BICD2: variants seen among roughly 807,000 people sequenced by gnomAD.
BICD2 encodes BICD cargo adaptor 2.
BICD2 carries 25 observed loss-of-function variants against 72.9 expected under a neutral mutation model. The observed-to-expected ratio is 0.34, with a 90% CI of 0.25 to 0.48. The LOEUF (loss-of-function observed/expected upper bound fraction) is 0.48, where lower values mean the gene tolerates loss of function less well. Among genes scored for constraint, BICD2 ranks in the 20% least tolerant of loss-of-function variants. The pLI, the probability that BICD2 is intolerant of heterozygous loss-of-function variation, is 0.99. For missense variants in BICD2, 894 were observed against 1,175.2 expected (o/e 0.76, Z 3.50); for synonymous variants, 501 against 516.1 (o/e 0.97, Z 0.40).
chr9:92,734,006 T>C (rs1002729726), intron 1 of BICD2, among the ~76,000 whole-genome samples: 1 of 151,628 alleles, frequency 6.6e-6, no homozygotes, highest in Non-Finnish European at 1.5e-5. Flanking sequence ...CAAGTATCTG[T>C]CATCAGGAGA....
intron 1 of BICD2, among the ~76,000 whole-genome samples, chr9:92,753,022 T>C (rs1013689624): frequency 6.6e-6 from 1 of 152,024 alleles, no homozygotes; most frequent in Non-Finnish European, 1.5e-5. Context: ...CAGTGACAGG[T>C]CATGCTGACA....
At chr9:92,731,790 C>T (rs746470858) in intron 1 of BICD2, among the ~76,000 whole-genome samples, 1 of 152,190 alleles carries the variant, frequency 6.6e-6, no homozygotes, top group African/African-American at 2.4e-5. Context: ...ACTGAAGGAC[C>T]ACTGAGGGGG....
intron 1 of BICD2, among the ~76,000 whole-genome samples, chr9:92,754,345 G>A (rs145194369): frequency 2.6e-5 from 4 of 152,280 alleles, no homozygotes; most frequent in African/African-American, 7.2e-5. Context: ...CAGGTAGGCC[G>A]GGTGCAGGGC....
chr9:92,736,349 C>G (rs1215308836), intron 1 of BICD2, among the ~76,000 whole-genome samples: 1 of 152,160 alleles, frequency 6.6e-6, no homozygotes, highest in Non-Finnish European at 1.5e-5. Flanking sequence ...AGGACCATGA[C>G]AGTTTACAGA....
chr9:92,731,472 ACTT>A (rs1454404445), intron 1 of BICD2, among the ~76,000 whole-genome samples: 13 of 151,924 alleles, frequency 8.6e-5, no homozygotes, highest in African/African-American at 2.9e-4. Flanking sequence ...CTGTGTGAAA[ACTT>A]AAAAAAAAAA....
intron 1 of BICD2, among the ~76,000 whole-genome samples, chr9:92,750,592 G>A (rs954969589): frequency 1.3e-5 from 2 of 152,160 alleles, no homozygotes; most frequent in Admixed American, 6.5e-5. Context: ...AGGCAAAACC[G>A]TAATGATGGT....
chr9:92,757,842 T>C (rs1449776741), intron 1 of BICD2, among the ~76,000 whole-genome samples: 1 of 152,226 alleles, frequency 6.6e-6, no homozygotes, highest in African/African-American at 2.4e-5. Context: ...GGAGCATACA[T>C]GGACTCACTC....
chr9:92,736,944 A>G (rs1012015238), intron 1 of BICD2, among the ~76,000 whole-genome samples: 1 of 152,164 alleles, frequency 6.6e-6, no homozygotes, highest in Non-Finnish European at 1.5e-5. Flanking sequence ...CTCAGGATGG[A>G]AAACAGGGCA....
At position 92,744,837 on chromosome 9, in the gene BICD2, T is replaced by A. The variant is rs141495664; in HGVS notation, c.241-15601A>T. On this transcript the variant is annotated intron_variant, in intron 1 of 6. Coordinates refer to ENST00000356884, the MANE Select transcript of BICD2 (RefSeq NM_001003800.2). ...GCCTGGATGACAGAGCGAGACTCCG[T>A]CTCAGAAAAAAAAAAGAAAAAAAAG... Among the ~76,000 whole-genome samples the A allele has an allele frequency of 4.6e-5, 7 of 150,888 alleles. No individual in the cohort carries two copies. In the East Asian group the frequency reaches 1.4e-3, roughly 29 times the overall value.
At chr9:92,738,117 G>A (rs1371708671) in intron 1 of BICD2, among the ~76,000 whole-genome samples, 1 of 152,216 alleles carries the variant, frequency 6.6e-6, no homozygotes, top group East Asian at 1.9e-4. Flanking sequence ...CCCACGTCCT[G>A]GCTCTGCCAC....
At chr9:92,719,932 C>T (rs1409606230) in intron 4 of BICD2, among the ~76,000 whole-genome samples, 2 of 152,214 alleles carry the variant, frequency 1.3e-5, no homozygotes, top group African/African-American at 4.8e-5. Flanking sequence ...CTTCGGAGGA[C>T]AGGACTCTGT....
At position 92,713,960 on chromosome 9, in the gene BICD2, G is replaced by C; in HGVS notation, c.*1194C>G. The C allele has an allele frequency of 7.1e-6, 7 of 988,366 alleles. No homozygotes were observed. Among genetic ancestry groups the C allele is most frequent in the Non-Finnish European group, 8.4e-6 (7 of 831,726 alleles). 61.2% of individuals were successfully genotyped at this position (988,366 alleles called of 1,614,324 possible). ...GAAGACTGCAGCCTCAGGTCCAGCTGGTCCCACAGGGTGATCGGGAAAAAA... is the reference window on the plus strand; with the variant it reads ...GAAGACTGCAGCCTCAGGTCCAGCTCGTCCCACAGGGTGATCGGGAAAAAA... On this transcript the variant is annotated 3_prime_UTR_variant, in exon 7 of 7. Transcript: ENST00000356884.
At chr9:92,738,307 C>T (rs1229582682) in intron 1 of BICD2, among the ~76,000 whole-genome samples, 1 of 152,190 alleles carries the variant, frequency 6.6e-6, no homozygotes, top group African/African-American at 2.4e-5. Context: ...AAGAGCAGCC[C>T]CAGGCCAGTG....
At chr9:92,758,785 C>T (rs1306334794) in intron 1 of BICD2, among the ~76,000 whole-genome samples, 2 of 151,282 alleles carry the variant, frequency 1.3e-5, no homozygotes, top group African/African-American at 2.4e-5. Flanking sequence ...ACCTGGGAGG[C>T]GGAGGTTGTG....
At chr9:92,754,033 T>C (rs1359946200) in intron 1 of BICD2, among the ~76,000 whole-genome samples, 2 of 151,332 alleles carry the variant, frequency 1.3e-5, no homozygotes, top group East Asian at 4.0e-4. Context: ...TAGTCGGAGC[T>C]ACTCGGGAGG....
In BICD2 at chr9:92,720,361, G is replaced by A; in HGVS notation, c.1001C>T (p.Ser334Phe). ...GATGTTGAGCTCACTGAGTAGGTCG[G>A]AGACGAGGCTGGGGGAGGGCGGTGC... is the stretch of plus-strand genomic sequence containing the variant. Reference protein sequence around the residue: ...GLAPPSPSLVSDLLSELNISE... With the variant: ...GLAPPSPSLVFDLLSELNISE... The change falls in exon 4 of 7, where the codon TCC becomes TTC. Residue 334 changes from serine (S) to phenylalanine (F), a missense_variant. This residue lies in a region of BICD2 where 371 missense variants were observed against 439.1 expected (regional missense o/e 0.84). Coordinates refer to ENST00000356884, the MANE Select transcript of BICD2 (RefSeq NM_001003800.2). This position sits in a 1 kb window ranked among gnomAD's most constrained non-coding sequence, Gnocchi z 5.4. 1.9e-6 allele frequency: 3 copies of A among 1,614,020 alleles called. No homozygotes were observed. The highest frequency in any genetic ancestry group is 2.5e-6 in the Non-Finnish European group (3 of 1,180,038).
chr9:92,742,709 C>A (rs764926544), intron 1 of BICD2, among the ~76,000 whole-genome samples: 27 of 151,970 alleles, frequency 1.8e-4, no homozygotes, highest in African/African-American at 6.0e-4. Context: ...TCACCCCCCC[C>A]AAAGAAACTC....
rs143745575 is a variant in BICD2 at position 92,721,916 on chromosome 9, C to G, written c.606+740G>C. Among the ~76,000 whole-genome samples, 861 of 152,342 alleles carry G rather than the reference C, an allele frequency of 5.7e-3. 4 individuals carry two copies. The highest frequency in any genetic ancestry group is 8.2e-3 in the Non-Finnish European group (556 of 68,026). The stretch of plus-strand genomic sequence containing the variant: ...AGCTCTGCATAAACACATGAGCTTC[C>G]TCCTCCGGGCATAAATACCACATTC... On this transcript the variant is annotated intron_variant, in intron 3 of 6. Transcript: ENST00000356884.
chr9:92,758,842 G>A (rs1854316740), intron 1 of BICD2, among the ~76,000 whole-genome samples: 1 of 149,162 alleles, frequency 6.7e-6, no homozygotes, highest in African/African-American at 2.5e-5. Flanking sequence ...CAACAAAAGC[G>A]AAACTCCGTC....
Sources: allele counts gnomAD v4.1 joint callset (sites outside exome capture counted in the v4.1 genomes callset), GRCh38; gene constraint gnomAD v4.1.1; regional missense constraint gnomAD v4.1.1; non-coding constraint Gnocchi (gnomAD v3.1); transcripts MANE v1.5; gene names NCBI Gene and HGNC (gene_info 2026-07-23, HGNC 2026-07-21).